GZMM: variants seen among roughly 807,000 people sequenced by gnomAD.
GZMM encodes the protein granzyme M, also known as HU-Met-1.
A neutral mutation model predicts 19.2 loss-of-function variants in GZMM; 23 were observed. The ratio of observed to expected loss-of-function variants is 1.20; its 90% CI spans 0.86 to 1.69. GZMM has a LOEUF of 1.69. Among genes scored for constraint, GZMM ranks in the 40% most tolerant of loss-of-function variants. GZMM has a pLI of 0.00. For missense variants in GZMM, 373 were observed against 352.2 expected (o/e 1.06, Z -0.47); for synonymous variants, 178 against 160.2 (o/e 1.11, Z -0.84).
chr19:546,026 C>T, intron 1 of GZMM, among the ~76,000 whole-genome samples: 1 of 151,058 alleles, frequency 6.6e-6, no homozygotes, highest in African/African-American at 2.4e-5. Context: ...GCTGTCTGCC[C>T]ACCTTGACCT....
At position 549,264 on chromosome 19, in the gene GZMM, T is replaced by C. The variant is rs574358396; in HGVS notation, c.612+79T>C. 6.1e-5 allele frequency: 84 copies of C among 1,374,492 alleles called. No individual in the cohort carries two copies. In the African/African-American group the frequency reaches 1.1e-3, roughly 17 times the overall value. The allele number at this position is 1,374,492 out of a possible 1,614,324, so 85.1% of individuals were successfully genotyped here. A position where few individuals can be genotyped will look rare whatever the true frequency, so the allele number is the denominator to read the frequency against. ...CCAGGGCAGCCGCCGGGCAGGTTCC[T>C]GGCTCTCCCGTTCTCTGGGGAGTCC... is the stretch of plus-strand genomic sequence containing the variant. On this transcript the variant is annotated intron_variant, in intron 4 of 4. Transcript: ENST00000264553.
Position 547,309 on chromosome 19 carries a change from G to T in GZMM, c.85G>T (p.Gly29Cys), listed in dbSNP as rs749910314. 1 of 1,563,524 alleles carries T rather than the reference G, an allele frequency of 6.4e-7. No homozygotes were observed. The highest frequency in any genetic ancestry group is 8.7e-7 in the Non-Finnish European group (1 of 1,155,716). The change falls in exon 2 of 5, where the codon GGC becomes TGC. Residue 29 changes from glycine (G) to cysteine (C), a missense_variant. By Grantham distance (159) the Gly-to-Cys change is radical. Coordinates refer to ENST00000264553, the MANE Select transcript of GZMM (RefSeq NM_005317.4). Reference sequence around the variant, plus strand: ...CTCCTTTGGGACCCAGATCATCGGGGGCCGGGAGGTGATCCCCCACTCGCG... The same window carrying T: ...CTCCTTTGGGACCCAGATCATCGGGTGCCGGGAGGTGATCCCCCACTCGCG... ...GSSFGTQIIG[G>C]REVIPHSRPY... is the part of the protein sequence containing the mutation.
chr19:548,757 C>CCGCTGCTGACCCTCCCCCCG, intron 3 of GZMM, 80 bp downstream of exon 3: 1 of 1,180,066 alleles, frequency 8.5e-7, no homozygotes. Flanking sequence ...CGCCCTCCCC[C>CCGCTGCTGACCCTCCCCCCG]CGCTGCCGAC....
chr19:547,635 AG>A (rs1980340929), intron 2 of GZMM, among the ~76,000 whole-genome samples, 199 bp downstream of exon 2: 1 of 152,206 alleles, frequency 6.6e-6, no homozygotes, highest in South Asian at 2.1e-4. Flanking sequence ...AGGCACTGGC[AG>A]GGCCAGCTCC....
At chr19:546,533 T>G (rs1173096486) in intron 1 of GZMM, among the ~76,000 whole-genome samples, 1 of 87,384 alleles carries the variant, frequency 1.1e-5, no homozygotes, top group African/African-American at 3.9e-5. Flanking sequence ...AGAGTGAGAC[T>G]CCATCTCAAA....
intron 2 of GZMM, among the ~76,000 whole-genome samples, chr19:547,700 T>C (rs1177144527): frequency 6.6e-6 from 1 of 152,150 alleles, no homozygotes; most frequent in Non-Finnish European, 1.5e-5. Flanking sequence ...TGAGCCACAG[T>C]CCTGGTGTGG....
chr19:545,300 G>A (rs1980233729), intron 1 of GZMM, among the ~76,000 whole-genome samples: 1 of 152,134 alleles, frequency 6.6e-6, no homozygotes, highest in Admixed American at 6.6e-5. Flanking sequence ...AAGCCGGTGG[G>A]GGAAAGGTAC....
chr19:546,816 T>C lies in GZMM; in HGVS notation c.56-464T>C, dbSNP rs377684970. 1.2e-4 allele frequency among the ~76,000 whole-genome samples: 18 copies of C among 151,332 alleles called. No individual in the cohort carries two copies. The East Asian group carries it at 2.2e-3, about 18-fold the overall frequency. On this transcript the variant is annotated intron_variant, in intron 1 of 4. Transcript: ENST00000264553. The stretch of plus-strand genomic sequence containing the variant: ...TCGTGCCATTGCACTCCAGCCTGGG[T>C]GACAGAGCGAGACTCTGTCTCAAAA...
chr19:547,155 C>G, intron 1 of GZMM, 125 bp from the exon 2 acceptor site: 1 of 858,954 alleles, frequency 1.2e-6, no homozygotes. Context: ...TCGGGGAACA[C>G]TGGGGACTTC....
intron 1 of GZMM, among the ~76,000 whole-genome samples, chr19:546,455 C>T (rs1363789824): frequency 2.1e-5 from 3 of 146,338 alleles, no homozygotes; most frequent in Non-Finnish European, 4.5e-5. Flanking sequence ...GCAGGAGAAT[C>T]GCTTGAACCC....
At chr19:544,414 G>A (rs1980178306) in intron 1 of GZMM, among the ~76,000 whole-genome samples, 1 of 152,186 alleles carries the variant, frequency 6.6e-6, no homozygotes, top group Admixed American at 6.5e-5. Context: ...CAGAGTAGGA[G>A]ACTGAGACTT....
chr19:549,603 C>T (rs1227773606), intron 4 of GZMM, 27 bp from the exon 5 acceptor site: 4 of 1,601,684 alleles, frequency 2.5e-6, no homozygotes, highest in Non-Finnish European at 3.4e-6. Context: ...GGTGCAGAGG[C>T]TGAGCTGCGG....
Position 549,137 on chromosome 19 carries a change from C to CA in GZMM, c.565dup (p.Ser189LysfsTer18). On this transcript the variant is annotated frameshift_variant, in exon 4 of 5. Transcript: ENST00000264553. LOFTEE classifies it low-confidence loss of function (END_TRUNC). ...GCTTCTGGAACGGCAGCCTCTCCCC[C>CA]AGCATGGTCTGCCTGGCGGCCGACT... The CA allele has an allele frequency of 6.3e-7, 1 of 1,580,070 alleles. No homozygotes were observed. The highest frequency in any genetic ancestry group is 8.6e-7 in the Non-Finnish European group (1 of 1,163,976).
In GZMM at chr19:547,327, C is replaced by G. The variant is rs200360663; in HGVS notation, c.103C>G (p.His35Asp). The change falls in exon 2 of 5, where the codon CAC becomes GAC. Residue 35 changes from histidine to aspartate, a missense_variant. Physicochemically the swap from His to Asp is moderately conservative, Grantham distance 81. Transcript: ENST00000264553. ...QIIGGREVIP[H>D]SRPYMASLQR... ...CATCGGGGGCCGGGAGGTGATCCCC[C>G]ACTCGCGCCCGTACATGGCCTCACT... 24 of 1,575,964 alleles carry G rather than the reference C, an allele frequency of 1.5e-5. No homozygotes were observed. Among genetic ancestry groups the G allele is most frequent in the East Asian group, 1.2e-4 (5 of 41,022 alleles).
chr19:549,433 G>C (rs913108607), intron 4 of GZMM, among the ~76,000 whole-genome samples, 197 bp from the exon 5 acceptor site: 1 of 152,230 alleles, frequency 6.6e-6, no homozygotes, highest in African/African-American at 2.4e-5. Context: ...CAGCCAAGAC[G>C]GTCCGGCGGG....
Position 548,683 on chromosome 19 carries a change from C to T in GZMM, c.348+6C>T. The T allele has an allele frequency of 6.2e-7, 1 of 1,610,416 alleles. No individual in the cohort carries two copies. The highest frequency in any genetic ancestry group is 8.5e-7 in the Non-Finnish European group (1 of 1,179,036). On this transcript the variant is annotated splice_donor_region_variant and intron_variant, in intron 3 of 4. Coordinates refer to ENST00000264553, the MANE Select transcript of GZMM (RefSeq NM_005317.4). ...ACGACCTCGCGCTGCTTCAGGTGTGCAGGGACGGGACAGGGAGAACTGGGC... is the reference window on the plus strand; with the variant it reads ...ACGACCTCGCGCTGCTTCAGGTGTGTAGGGACGGGACAGGGAGAACTGGGC...
chr19:546,798 ATTGCAC>A (rs1980300549), intron 1 of GZMM, among the ~76,000 whole-genome samples: 1 of 151,946 alleles, frequency 6.6e-6, no homozygotes, highest in Non-Finnish European at 1.5e-5. Context: ...AGATCGTGCC[ATTGCAC>A]TCCAGCCTGG....
intron 1 of GZMM, among the ~76,000 whole-genome samples, chr19:546,236 T>A (rs1980276086): frequency 1.3e-5 from 2 of 152,198 alleles, no homozygotes; most frequent in Non-Finnish European, 2.9e-5. Context: ...TACAATTTAC[T>A]TATTTAAAGA....
intron 3 of GZMM, 48 bp downstream of exon 3, chr19:548,725 C>G: frequency 6.3e-7 from 1 of 1,578,552 alleles, no homozygotes; most frequent in Non-Finnish European, 8.6e-7. Flanking sequence ...CTGTCCCCCA[C>G]GGGTGCCCCT....
Sources: allele counts gnomAD v4.1 joint callset (sites outside exome capture counted in the v4.1 genomes callset), GRCh38; gene constraint gnomAD v4.1.1; transcripts MANE v1.5; gene names NCBI Gene and HGNC (gene_info 2026-07-23, HGNC 2026-07-21).